The following PCDH9 variants were observed in gnomAD, a reference collection of about 807,000 sequenced individuals.
The protein encoded by PCDH9 is protocadherin-9.
In PCDH9, 24 loss-of-function variants were observed where a neutral mutation model predicts 70.6. The observed-to-expected ratio is 0.34, with a 90% confidence interval of 0.25 to 0.48. The LOEUF (loss-of-function observed/expected upper bound fraction) is 0.48, where lower values mean the gene tolerates loss of function less well. Ranked by LOEUF, PCDH9 falls within the 20% of genes least tolerant of loss-of-function variation. The pLI, the probability that PCDH9 is intolerant of heterozygous loss-of-function variation, is 0.99. For synonymous variants in PCDH9, 562 were observed against 558.5 expected (o/e 1.01, Z -0.09); for missense variants, 1,281 against 1,503.6 (o/e 0.85, Z 2.45).
chr13:66,573,737 T>TTTTGTTTG (rs71205596), intron 4 of PCDH9, among the ~76,000 whole-genome samples: 62 of 151,272 alleles, frequency 4.1e-4, no homozygotes, highest in South Asian at 1.9e-3. Context: ...AGTTGGGTTT[T>TTTTGTTTG]TTTGTTTGTT....
rs537393353 is a variant in PCDH9 at position 67,052,138 on chromosome 13, A to T, written c.3037-148533T>A. Among the ~76,000 whole-genome samples the T allele has an allele frequency of 5.3e-5, 8 of 152,222 alleles. No homozygotes were observed. In the South Asian group the frequency reaches 1.7e-3, roughly 32 times the overall value. On this transcript the variant is annotated intron_variant, in intron 2 of 4. Transcript: ENST00000377865. ...TCCAAATCCTATTTCTAAAATAATT[A>T]TTTGGTGCTGCTAAACTCTGGGAGA...
At chr13:66,941,260 A>C (rs1004977218) in intron 2 of PCDH9, among the ~76,000 whole-genome samples, 6 of 151,830 alleles carry the variant, frequency 4.0e-5, no homozygotes, top group African/African-American at 1.2e-4. Flanking sequence ...AAATTTAAAA[A>C]AAATGAAATA....
chr13:66,305,199 C>A (rs997775779), intron 4 of PCDH9, among the ~76,000 whole-genome samples, 171 bp from the exon 5 acceptor site: 12 of 151,972 alleles, frequency 7.9e-5, no homozygotes, highest in African/African-American at 2.9e-4. Flanking sequence ...ACACAAAAGG[C>A]ATCAAATTTG....
intron 3 of PCDH9, among the ~76,000 whole-genome samples, chr13:66,870,986 C>A (rs564545468): frequency 1.3e-5 from 2 of 152,090 alleles, no homozygotes; most frequent in Non-Finnish European, 2.9e-5. Context: ...TTGGAACCAA[C>A]CCAAATGTCC....
intron 4 of PCDH9, among the ~76,000 whole-genome samples, chr13:66,414,864 T>C (rs1456208703): frequency 3.9e-5 from 6 of 152,132 alleles, no homozygotes; most frequent in East Asian, 1.9e-4. Flanking sequence ...TACGGATGCA[T>C]GAACAAAGCC....
At chr13:66,971,886 G>A (rs146516764) in intron 2 of PCDH9, among the ~76,000 whole-genome samples, 2 of 152,046 alleles carry the variant, frequency 1.3e-5, no homozygotes, top group African/African-American at 4.8e-5. Context: ...ATTACACTCA[G>A]TTAAGTCTTC....
At chr13:66,695,383 C>T (rs2078548189) in intron 3 of PCDH9, among the ~76,000 whole-genome samples, 1 of 152,074 alleles carries the variant, frequency 6.6e-6, no homozygotes, top group Non-Finnish European at 1.5e-5. Context: ...CTACTATATC[C>T]CCAAGACTGG....
intron 2 of PCDH9, among the ~76,000 whole-genome samples, chr13:67,136,783 A>G (rs2138344914): frequency 2.0e-5 from 3 of 152,182 alleles, no homozygotes; most frequent in African/African-American, 7.2e-5. Flanking sequence ...TATGTTATAT[A>G]TGAAATGGAG....
chr13:66,821,985 C>T (rs1376558543), intron 3 of PCDH9, among the ~76,000 whole-genome samples: 2 of 152,030 alleles, frequency 1.3e-5, no homozygotes, highest in East Asian at 3.9e-4. Context: ...ATGTTGAGAG[C>T]TGTTTCTTTT....
chr13:67,202,467 A>G (rs1426483585), intron 2 of PCDH9: 1 of 152,122 alleles, frequency 6.6e-6, no homozygotes, highest in Admixed American at 6.6e-5. Context: ...AACAATAAAG[A>G]CAACTTAAAT....
At chr13:66,898,449 T>C (rs554798498) in intron 3 of PCDH9, among the ~76,000 whole-genome samples, 26 of 152,112 alleles carry the variant, frequency 1.7e-4, no homozygotes, top group African/African-American at 6.3e-4. Context: ...TGCTAAATGA[T>C]TTACCTAATT....
At chr13:67,044,718 C>T (rs1187919279) in intron 2 of PCDH9, among the ~76,000 whole-genome samples, 2 of 152,048 alleles carry the variant, frequency 1.3e-5, no homozygotes, top group African/African-American at 4.8e-5. Flanking sequence ...TCTTACTGAA[C>T]ATTAATTATT....
At chr13:66,659,127 C>T (rs1593850863) in intron 3 of PCDH9, among the ~76,000 whole-genome samples, 4 of 151,806 alleles carry the variant, frequency 2.6e-5, no homozygotes, top group African/African-American at 7.3e-5. Flanking sequence ...GAAAATTAAC[C>T]GAAATTAAAG....
At chr13:66,427,446 G>A (rs189027602) in intron 4 of PCDH9, among the ~76,000 whole-genome samples, 1 of 151,818 alleles carries the variant, frequency 6.6e-6, no homozygotes, top group African/African-American at 2.4e-5. Context: ...CACATGTCAT[G>A]TGTAGGAAAC....
chr13:66,788,787 T>C (rs1436302432), intron 3 of PCDH9, among the ~76,000 whole-genome samples: 1 of 151,870 alleles, frequency 6.6e-6, no homozygotes, highest in Non-Finnish European at 1.5e-5. Context: ...AGCAGTATTG[T>C]AAAAATCAAT....
At chr13:66,879,455 A>T (rs2081883167) in intron 3 of PCDH9, among the ~76,000 whole-genome samples, 1 of 152,052 alleles carries the variant, frequency 6.6e-6, no homozygotes, top group Admixed American at 6.6e-5. Context: ...AATAAATATG[A>T]TTGCTTTCCT....
chr13:66,545,809 CTTTATTTTAT>C (rs71106977), intron 4 of PCDH9, among the ~76,000 whole-genome samples: 35 of 143,470 alleles, frequency 2.4e-4, no homozygotes, highest in South Asian at 1.1e-3. Context: ...TTTTATTTTA[CTTTATTTTAT>C]TTTATTTTAT....
chr13:67,036,874 AG>A (rs1439209284), intron 2 of PCDH9, among the ~76,000 whole-genome samples: 1 of 152,222 alleles, frequency 6.6e-6, no homozygotes, highest in Non-Finnish European at 1.5e-5. Flanking sequence ...TCGTGGTCTG[AG>A]AAGCAGGCTT....
In PCDH9 at chr13:67,057,651, T is replaced by G. The variant is rs142157776; in HGVS notation, c.3037-154046A>C. On this transcript the variant is annotated intron_variant, in intron 2 of 4. Transcript: ENST00000377865. The stretch of plus-strand genomic sequence containing the variant: ...GATTGACTTTGAATTCAGAAAGATC[T>G]AGGTCTGAATCCTGGTTCTACAAAT... Among the ~76,000 whole-genome samples, 483 of 152,242 alleles carry G rather than the reference T, an allele frequency of 3.2e-3. 7 individuals are homozygous for G. Among genetic ancestry groups the G allele is most frequent in the East Asian group, 0.027 (138 of 5,178 alleles).
Sources: gnomAD v4.1 joint callset for allele counts (sites outside exome capture counted in the v4.1 genomes callset) on GRCh38, gnomAD v4.1.1 for gene constraint, MANE v1.5 for transcripts, NCBI Gene and HGNC (gene_info 2026-07-23, HGNC 2026-07-21) for gene names.